The following MTAP variants were observed in gnomAD, a reference collection of about 807,000 sequenced individuals.
The protein encoded by MTAP is methylthioadenosine phosphorylase.
MTAP carries 33 observed loss-of-function variants against 33.6 expected under a neutral mutation model. The ratio of observed to expected loss-of-function variants is 0.98; its 90% CI spans 0.74 to 1.31. The LOEUF is 1.31. Among genes scored for constraint, MTAP ranks in the 40% most tolerant of loss-of-function variants. The pLI is 0.00. For missense variants in MTAP, 367 were observed against 360.0 expected (o/e 1.02, Z -0.16); for synonymous variants, 148 against 125.7 (o/e 1.18, Z -1.19).
intron 1 of MTAP, among the ~76,000 whole-genome samples, chr9:21,878,317 T>C (rs1826040098): frequency 6.6e-6 from 1 of 152,112 alleles, no homozygotes. Context: ...TCTGGATATG[T>C]TGATGGTTTG....
At chr9:21,908,959 A>G (rs761889843) in intron 1 of MTAP, among the ~76,000 whole-genome samples, 1 of 151,970 alleles carries the variant, frequency 6.6e-6, no homozygotes, top group Non-Finnish European at 1.5e-5. Flanking sequence ...CTGCCCATAT[A>G]TTTGGAACCA....
chr9:21,815,438 A>C lies in MTAP; in HGVS notation c.39A>C (p.Gly13=), dbSNP rs139020435. The C allele has an allele frequency of 4.0e-4, 638 of 1,593,858 alleles. 1 individual carries two copies. Among genetic ancestry groups the C allele is most frequent in the Non-Finnish European group, 4.7e-4 (554 of 1,167,134 alleles). The change falls in exon 2 of 8, where the codon GGA becomes GGC. Residue 13 remains glycine, a synonymous_variant. Transcript: ENST00000644715. ...TCTGTCTTTTTCTCTCTTAGATTGG[A>C]ATAATTGGTGGAACAGGCCTGGATG... ...SGTTTTAVKI[G]IIGGTGLDDP...
intron 3 of MTAP, among the ~76,000 whole-genome samples, chr9:21,817,343 G>C (rs1450929913): frequency 2.0e-5 from 3 of 151,986 alleles, no homozygotes; most frequent in Non-Finnish European, 2.9e-5. Context: ...TCATCTCCTA[G>C]TTCCTGTTGG....
At chr9:21,852,235 G>T (rs946731304) in intron 5 of MTAP, among the ~76,000 whole-genome samples, 3 of 152,132 alleles carry the variant, frequency 2.0e-5, no homozygotes, top group African/African-American at 7.2e-5. Context: ...AGGGCCGGGC[G>T]CAGTGGCTCA....
At chr9:21,896,532 C>G (rs576177711) in intron 1 of MTAP, among the ~76,000 whole-genome samples, 28 of 152,018 alleles carry the variant, frequency 1.8e-4, no homozygotes, top group African/African-American at 5.8e-4. Context: ...CAATTAGATG[C>G]AATAAAAAAT....
chr9:21,816,655 T>G (rs1202161053), intron 2 of MTAP, 59 bp from the exon 3 acceptor site: 1 of 1,484,356 alleles, frequency 6.7e-7, no homozygotes, highest in Non-Finnish European at 9.3e-7. Context: ...TGAACAATTA[T>G]AATTTACATA....
At chr9:21,848,107 A>T (rs868407499) in intron 5 of MTAP, among the ~76,000 whole-genome samples, 5 of 152,210 alleles carry the variant, frequency 3.3e-5, no homozygotes, top group Non-Finnish European at 4.4e-5. Flanking sequence ...GTCTGAGGAG[A>T]TAAACCCTGT....
intron 5 of MTAP, among the ~76,000 whole-genome samples, chr9:21,853,537 T>G (rs1387869414): frequency 6.6e-6 from 1 of 152,250 alleles, no homozygotes; most frequent in East Asian, 1.9e-4. Context: ...TTAATTTGTT[T>G]ATGTGATGAA....
At chr9:21,817,379 G>T (rs1201301787) in intron 3 of MTAP, among the ~76,000 whole-genome samples, 4 of 152,002 alleles carry the variant, frequency 2.6e-5, no homozygotes, top group Non-Finnish European at 5.9e-5. Flanking sequence ...AGCTTAGCCA[G>T]TCCTCTGCTT....
intron 1 of MTAP, among the ~76,000 whole-genome samples, chr9:21,876,195 C>T (rs960711429): frequency 6.6e-6 from 1 of 151,988 alleles, no homozygotes; most frequent in African/African-American, 2.4e-5. Context: ...CTGTTCATAT[C>T]CTTTGCCCAC....
At chr9:21,895,768 G>T (rs992140755) in intron 1 of MTAP, among the ~76,000 whole-genome samples, 3 of 152,194 alleles carry the variant, frequency 2.0e-5, no homozygotes, top group African/African-American at 7.2e-5. Flanking sequence ...GGGGAGGGGT[G>T]TCTGCCATTG....
chr9:21,909,705 A>G (rs182253496), intron 1 of MTAP, among the ~76,000 whole-genome samples: 46 of 152,302 alleles, frequency 3.0e-4, no homozygotes, highest in Admixed American at 3.3e-4. Context: ...TGTGCTAAGC[A>G]TAAAAATAGC....
intron 1 of MTAP, chr9:21,812,328 T>G (rs1824372140): frequency 5.7e-6 from 1 of 176,014 alleles, no homozygotes; most frequent in Non-Finnish European, 1.2e-5. Flanking sequence ...GCAGATGTCA[T>G]AGAGAGCTTT....
chr9:21,864,795 T>G lies in MTAP; in HGVS notation c.*2781T>G, dbSNP rs1825824480. The G allele has an allele frequency of 1.0e-6, 1 of 985,506 alleles. No homozygotes were observed. Among genetic ancestry groups the G allele is most frequent in the South Asian group, 4.7e-5 (1 of 21,288 alleles). 61.0% of individuals were successfully genotyped at this position (985,506 alleles called of 1,614,324 possible). A position where few individuals can be genotyped will look rare whatever the true frequency, so the allele number is the denominator to read the frequency against. On this transcript the variant is annotated 3_prime_UTR_variant, in exon 8 of 8. Transcript: ENST00000644715. ...CCAACCTGCCCTGAGCCAGCTGCCC[T>G]GCAGGTGCCACGTGAGCCTGCTCTG...
At position 21,882,839 on chromosome 9, in the gene MTAP, T is replaced by C. The variant is rs947647013; in HGVS notation, c.147+27969T>C. Among the ~76,000 whole-genome samples the C allele has an allele frequency of 4.6e-5, 7 of 152,112 alleles. No homozygotes were observed. In the East Asian group the frequency reaches 9.7e-4, roughly 21 times the overall value. ...AATTTTAAAAATTTTATTTGGAAGT[T>C]ATAAAGTACACTTTTAAATAATTCA... On this transcript the variant is annotated intron_variant, in intron 1 of 1. Transcript: ENST00000577563.
intron 1 of MTAP, among the ~76,000 whole-genome samples, chr9:21,928,367 C>G (rs116175846): frequency 0.021 from 3,142 of 152,270 alleles, 101 homozygotes; most frequent in African/African-American, 0.07. Context: ...AAGCCCCCTC[C>G]ATAATAAGTC....
rs183996642 is a variant in MTAP at position 21,899,483 on chromosome 9, G to A, written c.148-31525G>A. Among the ~76,000 whole-genome samples the A allele has an allele frequency of 5.3e-5, 8 of 152,152 alleles. 1 individual carries two copies. In the East Asian group the frequency reaches 1.4e-3, roughly 26 times the overall value. On this transcript the variant is annotated intron_variant, in intron 1 of 1. Coordinates refer to the MTAP transcript ENST00000577563. ...GAAAAGAAAGAACTGCCCAAGATTG[G>A]GTAATTTATAAAGGAGAGAGGTTCA...
At chr9:21,933,590 T>C (rs1257320083), downstream of MTAP, 3 of 152,154 alleles carry the variant, frequency 2.0e-5, no homozygotes, top group African/African-American at 7.2e-5. Flanking sequence ...ATTGAGCAAA[T>C]AAAAAAATCT....
chr9:21,847,882 C>T (rs1335559375), intron 5 of MTAP, among the ~76,000 whole-genome samples: 1 of 152,134 alleles, frequency 6.6e-6, no homozygotes, highest in Non-Finnish European at 1.5e-5. Context: ...TGCACAGCCT[C>T]GCCAGGTGTC....
Sources: gnomAD v4.1 joint callset for allele counts (sites outside exome capture counted in the v4.1 genomes callset) on GRCh38, gnomAD v4.1.1 for gene constraint, MANE v1.5 for transcripts, NCBI Gene and HGNC (gene_info 2026-07-23, HGNC 2026-07-21) for gene names.